The following LRRC7 variants were observed in gnomAD, a reference collection of about 807,000 sequenced individuals.
LRRC7 encodes leucine-rich repeat-containing protein 7.
In LRRC7, 23 loss-of-function variants were observed where a neutral mutation model predicts 175.7. That is an observed-to-expected ratio of 0.13 (90% CI 0.09 to 0.19). The LOEUF (loss-of-function observed/expected upper bound fraction) is 0.19. Among genes scored for constraint, LRRC7 ranks in the 10% least tolerant of loss-of-function variants. LRRC7 has a pLI of 1.00. For synonymous variants in LRRC7, 685 were observed against 680.9 expected (o/e 1.01, Z -0.09); for missense variants, 1,354 against 1,904.7 (o/e 0.71, Z 5.38).
intron 1 of LRRC7, among the ~76,000 whole-genome samples, chr1:69,608,504 A>T (rs1383357312): frequency 6.6e-6 from 1 of 152,086 alleles, no homozygotes; most frequent in Non-Finnish European, 1.5e-5. Context: ...GCTGCCAGCC[A>T]GTGCAGGCAG....
intron 4 of LRRC7, among the ~76,000 whole-genome samples, chr1:69,822,523 T>C (rs1570147056): frequency 6.6e-6 from 1 of 152,154 alleles, no homozygotes; most frequent in Non-Finnish European, 1.5e-5. Context: ...GTACCTCTCC[T>C]CCCAGCTCCT....
At chr1:70,067,421 A>C (rs181810435) in intron 23 of LRRC7, among the ~76,000 whole-genome samples, 4 of 152,244 alleles carry the variant, frequency 2.6e-5, no homozygotes, top group Non-Finnish European at 5.9e-5. Context: ...TCTTTGTCTC[A>C]AATCATTTGG....
intron 3 of LRRC7, among the ~76,000 whole-genome samples, chr1:69,762,756 CTGTT>C (rs1313656028): frequency 6.6e-6 from 1 of 151,964 alleles, no homozygotes; most frequent in Non-Finnish European, 1.5e-5. Flanking sequence ...GATATTTTGT[CTGTT>C]TGGTTAGTTA....
At chr1:69,927,022 G>A (rs1191851572) in intron 7 of LRRC7, among the ~76,000 whole-genome samples, 3 of 152,150 alleles carry the variant, frequency 2.0e-5, no homozygotes, top group African/African-American at 7.2e-5. Flanking sequence ...AAATCTCTCA[G>A]CATTTGCTTG....
intron 4 of LRRC7, among the ~76,000 whole-genome samples, chr1:69,819,444 G>C (rs765484076): frequency 5.9e-5 from 9 of 151,846 alleles, no homozygotes; most frequent in Non-Finnish European, 1.3e-4. Context: ...TATTATTTCA[G>C]TCTTTGTAAA....
intron 1 of LRRC7, among the ~76,000 whole-genome samples, chr1:69,652,738 C>T (rs954900879): frequency 9.2e-5 from 14 of 152,114 alleles, no homozygotes; most frequent in East Asian, 1.9e-4. Context: ...GGCTTCACAT[C>T]GCTTGATTTC....
At chr1:69,724,973 G>A (rs1338992861) in intron 2 of LRRC7, among the ~76,000 whole-genome samples, 5 of 151,804 alleles carry the variant, frequency 3.3e-5, no homozygotes, top group Non-Finnish European at 5.9e-5. Flanking sequence ...AGGGTTTGGG[G>A]CACCAATCCT....
intron 4 of LRRC7, among the ~76,000 whole-genome samples, chr1:69,809,928 C>A (rs1400579469): frequency 2.0e-5 from 3 of 152,114 alleles, no homozygotes; most frequent in Non-Finnish European, 4.4e-5. Context: ...CCAGGGCAAT[C>A]AGGCAAGAGA....
intron 2 of LRRC7, among the ~76,000 whole-genome samples, chr1:69,679,432 T>C (rs529439184): frequency 2.0e-5 from 3 of 152,102 alleles, no homozygotes; most frequent in African/African-American, 4.8e-5. Context: ...GGCACACTCA[T>C]GGCAAATGAA....
chr1:69,598,484 A>G (rs904349047), intron 1 of LRRC7, among the ~76,000 whole-genome samples: 3 of 152,084 alleles, frequency 2.0e-5, no homozygotes, highest in African/African-American at 7.2e-5. Flanking sequence ...CTCAGGGAAG[A>G]GTGTGTGGGT....
At chr1:69,907,575 G>A (rs1646361735) in intron 7 of LRRC7, among the ~76,000 whole-genome samples, 1 of 152,150 alleles carries the variant, frequency 6.6e-6, no homozygotes, top group Non-Finnish European at 1.5e-5. Context: ...ATTGATTTAT[G>A]TATGTTGAAC....
intron 2 of LRRC7, among the ~76,000 whole-genome samples, chr1:69,698,496 G>A (rs1016593993): frequency 2.6e-5 from 4 of 152,152 alleles, no homozygotes; most frequent in African/African-American, 7.2e-5. Flanking sequence ...GAAGCTTCCC[G>A]TAATCTTATA....
chr1:70,115,921 G>A (rs1665819280), intron 26 of LRRC7, among the ~76,000 whole-genome samples: 1 of 152,086 alleles, frequency 6.6e-6, no homozygotes, highest in Non-Finnish European at 1.5e-5. Flanking sequence ...GCTACAAAGA[G>A]CCCCCTGAAA....
At chr1:69,981,153 C>T (rs182872415) in intron 9 of LRRC7, among the ~76,000 whole-genome samples, 107 of 152,234 alleles carry the variant, frequency 7.0e-4, no homozygotes, top group South Asian at 3.5e-3. Flanking sequence ...AGCGAGAGAG[C>T]GCAAACACAA....
At chr1:69,867,147 C>A (rs1444862748) in intron 7 of LRRC7, among the ~76,000 whole-genome samples, 3 of 152,090 alleles carry the variant, frequency 2.0e-5, no homozygotes, top group Admixed American at 2.0e-4. Flanking sequence ...ATTCTTTAGT[C>A]TCCTCTCTCT....
intron 11 of LRRC7, among the ~76,000 whole-genome samples, chr1:70,010,982 T>C (rs1656451327): frequency 6.6e-6 from 1 of 152,220 alleles, no homozygotes; most frequent in African/African-American, 2.4e-5. Flanking sequence ...CCATTACTTG[T>C]CATGGAAGAA....
intron 1 of LRRC7, among the ~76,000 whole-genome samples, chr1:69,614,233 G>T (rs1649265456): frequency 6.6e-6 from 1 of 151,708 alleles, no homozygotes; most frequent in African/African-American, 2.4e-5. Flanking sequence ...TCACCTTTGT[G>T]CTCGAAGTGA....
Position 70,122,719 on chromosome 1 carries a change from T to C in LRRC7, c.*832T>C, listed in dbSNP as rs1226346028. On this transcript the variant is annotated 3_prime_UTR_variant, in exon 27 of 27. Transcript: ENST00000651989. ...ACAAATTTAAGCAGTGGATGATGGGTGGCAGGAAAGGTATTGCTTTATTTC... is the reference window on the plus strand; with the variant it reads ...ACAAATTTAAGCAGTGGATGATGGGCGGCAGGAAAGGTATTGCTTTATTTC... The C allele has an allele frequency of 6.6e-6, 1 of 152,174 alleles. No individual in the cohort carries two copies. Among genetic ancestry groups the C allele is most frequent in the African/African-American group, 2.4e-5 (1 of 41,456 alleles). The allele number at this position is 152,174 out of a possible 1,614,324, so 9.4% of individuals were successfully genotyped here.
At chr1:69,816,750 C>G (rs1423772556) in intron 4 of LRRC7, among the ~76,000 whole-genome samples, 1 of 152,078 alleles carries the variant, frequency 6.6e-6, no homozygotes, top group Non-Finnish European at 1.5e-5. Flanking sequence ...ATCTCCAGAA[C>G]TTGTTCATCT....
Sources: gnomAD v4.1 joint callset for allele counts (sites outside exome capture counted in the v4.1 genomes callset) on GRCh38, gnomAD v4.1.1 for gene constraint, MANE v1.5 for transcripts, NCBI Gene and HGNC (gene_info 2026-07-23, HGNC 2026-07-21) for gene names.